Variants in KCNIP4 observed in about 807,000 individuals in gnomAD.
KCNIP4 encodes potassium voltage-gated channel interacting protein 4.
A neutral mutation model predicts 34.0 loss-of-function variants in KCNIP4; 12 were observed. The ratio of observed to expected loss-of-function variants is 0.35; its 90% CI spans 0.23 to 0.57. The LOEUF is 0.57. KCNIP4 is among the 20% of genes least tolerant of loss of function. The pLI is 0.83. For synonymous variants in KCNIP4, 124 were observed against 102.2 expected, an observed-to-expected ratio of 1.21 and a Z score of -1.29; for missense variants, 238 against 311.7, an observed-to-expected ratio of 0.76 and a Z score of 1.78.
intron 1 of KCNIP4, among the ~76,000 whole-genome samples, chr4:21,228,094 G>A (rs1313626348): frequency 3.9e-5 from 6 of 152,088 alleles, no homozygotes; most frequent in Non-Finnish European, 7.3e-5. Context: ...ATGAGTAGGC[G>A]ACAATTTGCA....
intron 1 of KCNIP4, among the ~76,000 whole-genome samples, chr4:20,972,611 C>G (rs1735071553): frequency 6.6e-6 from 1 of 152,106 alleles, no homozygotes; most frequent in African/African-American, 2.4e-5. Context: ...CTTTGTTGTT[C>G]CACTTACAGA....
At chr4:21,116,266 T>G (rs1446938066) in intron 1 of KCNIP4, among the ~76,000 whole-genome samples, 1 of 152,270 alleles carries the variant, frequency 6.6e-6, no homozygotes, top group Non-Finnish European at 1.5e-5. Flanking sequence ...GAAGCATGCA[T>G]GCCCTTGGAA....
At position 21,471,282 on chromosome 4, in the gene KCNIP4, A is replaced by G. The variant is rs142905605; in HGVS notation, c.61+477289T>C. 2.0e-5 allele frequency among the ~76,000 whole-genome samples: 3 copies of G among 152,282 alleles called. No individual in the cohort carries two copies. The East Asian group carries it at 5.8e-4, about 29-fold the overall frequency. ...ATGCTTCCTTCCTCTGGAGAAAGCGATAGTAATTCAGATTCTCTTCCCTCA... is the reference window on the plus strand; with the variant it reads ...ATGCTTCCTTCCTCTGGAGAAAGCGGTAGTAATTCAGATTCTCTTCCCTCA... On this transcript the variant is annotated intron_variant, in intron 1 of 8. Transcript: ENST00000382152.
At chr4:21,152,838 T>C (rs1450112372) in intron 1 of KCNIP4, among the ~76,000 whole-genome samples, 1 of 152,164 alleles carries the variant, frequency 6.6e-6, no homozygotes, top group East Asian at 1.9e-4. Context: ...ATGCGTGGGA[T>C]CTATGTTGGG....
intron 1 of KCNIP4, among the ~76,000 whole-genome samples, chr4:21,222,682 C>T (rs1489583066): frequency 6.6e-6 from 1 of 152,092 alleles, no homozygotes; most frequent in Non-Finnish European, 1.5e-5. Flanking sequence ...TAAGTCTTCC[C>T]TGACTTTCAA....
intron 1 of KCNIP4, among the ~76,000 whole-genome samples, chr4:21,621,198 A>G (rs1026391472): frequency 6.6e-6 from 1 of 152,144 alleles, no homozygotes; most frequent in African/African-American, 2.4e-5. Flanking sequence ...AAAAGGCAAA[A>G]CATCACTCTA....
chr4:21,431,812 C>A (rs1202971721), intron 1 of KCNIP4, among the ~76,000 whole-genome samples: 1 of 151,484 alleles, frequency 6.6e-6, no homozygotes, highest in Middle Eastern at 3.4e-3. Context: ...TGTCCACGAA[C>A]CCCATTTCTA....
chr4:21,123,280 T>C (rs1172573955), intron 1 of KCNIP4, among the ~76,000 whole-genome samples: 3 of 152,200 alleles, frequency 2.0e-5, no homozygotes, highest in African/African-American at 4.8e-5. Context: ...TTTATATTTA[T>C]TGAATGCCTG....
intron 1 of KCNIP4, among the ~76,000 whole-genome samples, chr4:21,017,312 G>T (rs1739630599): frequency 6.6e-6 from 1 of 152,160 alleles, no homozygotes; most frequent in South Asian, 2.1e-4. Flanking sequence ...AGTCCCACAT[G>T]CATTAGCTAT....
rs149799547 is a variant in KCNIP4 at position 20,875,261 on chromosome 4, A to T, written c.163+7347T>A. Among the ~76,000 whole-genome samples, 270 of 152,314 alleles carry T rather than the reference A, an allele frequency of 1.8e-3. 1 individual carries two copies. Among genetic ancestry groups the T allele is most frequent in the East Asian group, 5.4e-3 (28 of 5,176 alleles). ...AACGTAACTAGAGAATTGGTAAAGT[A>T]CAGAGACTTTGCAGCTCCACTGCTG... On this transcript the variant is annotated intron_variant, in intron 2 of 8. Transcript: ENST00000382152.
chr4:21,242,310 A>G (rs974132557), intron 1 of KCNIP4, among the ~76,000 whole-genome samples: 4 of 152,112 alleles, frequency 2.6e-5, no homozygotes, highest in Non-Finnish European at 4.4e-5. Context: ...AGCCTACATT[A>G]AAAAAAGAAA....
chr4:20,895,811 G>C (rs1726450044), intron 1 of KCNIP4, among the ~76,000 whole-genome samples: 1 of 152,266 alleles, frequency 6.6e-6, no homozygotes, highest in Non-Finnish European at 1.5e-5. Flanking sequence ...TAAAAAATTA[G>C]CCATGCCTGA....
chr4:21,184,599 T>C (rs1755077515), intron 1 of KCNIP4, among the ~76,000 whole-genome samples: 1 of 152,200 alleles, frequency 6.6e-6, no homozygotes, highest in Non-Finnish European at 1.5e-5. Flanking sequence ...GTGATAGGTT[T>C]GGCACTTTTG....
At chr4:21,304,133 A>C (rs1712155683) in intron 1 of KCNIP4, 2 of 539,864 alleles carry the variant, frequency 3.7e-6, no homozygotes, top group Non-Finnish European at 5.8e-6. Flanking sequence ...GGAGAGAGAG[A>C]GAGAAGGGAA....
chr4:20,928,810 T>C (rs1730155562), intron 1 of KCNIP4, among the ~76,000 whole-genome samples: 1 of 151,958 alleles, frequency 6.6e-6, no homozygotes, highest in Non-Finnish European at 1.5e-5. Context: ...TATAACGGGC[T>C]ATTATAAACA....
intron 1 of KCNIP4, among the ~76,000 whole-genome samples, chr4:21,590,853 G>T (rs948185336): frequency 6.6e-6 from 1 of 151,826 alleles, no homozygotes; most frequent in Non-Finnish European, 1.5e-5. Flanking sequence ...TTAAAATTAG[G>T]TCTTATAATT....
chr4:21,457,325 T>G lies in KCNIP4; in HGVS notation c.61+491246A>C, dbSNP rs77890976. 7.2e-3 allele frequency among the ~76,000 whole-genome samples: 1,090 copies of G among 152,116 alleles called. 56 individuals are homozygous for G. The East Asian group carries it at 0.13, about 19-fold the overall frequency. Reference sequence around the variant, plus strand: ...GTTGGCGGCTTGCTGGCCCTTTCTCTTTACCTTCCTGCCAGGTTTAATGCC... The same window carrying G: ...GTTGGCGGCTTGCTGGCCCTTTCTCGTTACCTTCCTGCCAGGTTTAATGCC... On this transcript the variant is annotated intron_variant, in intron 1 of 8. Transcript: ENST00000382152.
intron 3 of KCNIP4, among the ~76,000 whole-genome samples, chr4:20,841,164 G>A (rs1356407974): frequency 6.6e-6 from 1 of 152,142 alleles, no homozygotes; most frequent in African/African-American, 2.4e-5. Context: ...ATTTTACTCA[G>A]TAGATGTGGA....
chr4:21,583,319 G>T (rs1741376113), intron 1 of KCNIP4, among the ~76,000 whole-genome samples: 1 of 151,908 alleles, frequency 6.6e-6, no homozygotes, highest in Non-Finnish European at 1.5e-5. Context: ...GTGGATTTAG[G>T]AAGTTATTTA....
Sources: allele counts gnomAD v4.1 joint callset (sites outside exome capture counted in the v4.1 genomes callset), GRCh38; gene constraint gnomAD v4.1.1; transcripts MANE v1.5; gene names NCBI Gene and HGNC (gene_info 2026-07-23, HGNC 2026-07-21).